AKAP9: variants seen among roughly 807,000 people sequenced by gnomAD.
AKAP9 encodes A-kinase anchoring protein 9.
AKAP9 carries 311 observed loss-of-function variants against 488.5 expected under a neutral mutation model. The ratio of observed to expected loss-of-function variants is 0.64; its 90% CI spans 0.58 to 0.70. The LOEUF (loss-of-function observed/expected upper bound fraction) is 0.70. Ranked by LOEUF, AKAP9 falls within the 30% of genes least tolerant of loss-of-function variation. The pLI is 0.00. For synonymous variants in AKAP9, 1,462 were observed against 1,483.5 expected (o/e 0.99, Z 0.33); for missense variants, 4,215 against 4,374.5 (o/e 0.96, Z 1.03).
At position 92,002,792 on chromosome 7, in the gene AKAP9, CTGTCTGATCTTTCTGA is replaced by C; in HGVS notation, c.2876_2891del (p.Leu959HisfsTer3). On this transcript the variant is annotated frameshift_variant, in exon 8 of 50. Coordinates refer to ENST00000356239, the MANE Select transcript of AKAP9 (RefSeq NM_005751.5). LOFTEE classifies it high-confidence loss of function. Reference sequence around the variant, plus strand: ...AGAGAAATTAGAGCTGTCACAGAGACTGTCTGATCTTTCTGAACAATTGAAACAGAAACATGGTGAG... The same window carrying C: ...AGAGAAATTAGAGCTGTCACAGAGACACAATTGAAACAGAAACATGGTGAG... The C allele has an allele frequency of 1.2e-6, 2 of 1,613,650 alleles. No individual in the cohort carries two copies. Among genetic ancestry groups the C allele is most frequent in the Non-Finnish European group, 8.5e-7 (1 of 1,179,698 alleles).
At position 92,002,264 on chromosome 7, in the gene AKAP9, G is replaced by T. The variant is rs1178432282; in HGVS notation, c.2347G>T (p.Glu783Ter). The T allele has an allele frequency of 3.7e-6, 6 of 1,602,192 alleles. No homozygotes were observed. ...AGCAGAGAATAGCATTCTTAAAGATGAAAAGAAAACCCTTGAAGACATGTT... is the reference window on the plus strand; with the variant it reads ...AGCAGAGAATAGCATTCTTAAAGATTAAAAGAAAACCCTTGAAGACATGTT... ...LEAENSILKD[E>*]KKTLEDMLKI... The change falls in exon 8 of 50, where the codon GAA becomes TAA. Residue 783 changes from glutamate to a stop codon, truncating the protein, a stop_gained. Transcript: ENST00000356239. LOFTEE classifies it high-confidence loss of function.
chr7:91,972,097 T>C (rs1378000108), intron 1 of AKAP9, among the ~76,000 whole-genome samples: 1 of 151,102 alleles, frequency 6.6e-6, no homozygotes, highest in Non-Finnish European at 1.5e-5. Context: ...ACAATCAGTG[T>C]TATCCATCCT....
chr7:92,068,949 C>A (rs893664242), intron 26 of AKAP9, among the ~76,000 whole-genome samples: 1 of 152,278 alleles, frequency 6.6e-6, no homozygotes, highest in South Asian at 2.1e-4. Flanking sequence ...TCCTTCCTCA[C>A]TTTCCATACA....
intron 14 of AKAP9, among the ~76,000 whole-genome samples, chr7:92,027,059 C>T (rs974190146): frequency 3.0e-4 from 43 of 145,380 alleles, no homozygotes; most frequent in East Asian, 2.1e-4. Flanking sequence ...GCCCGGCCGC[C>T]CCGTCTGGGA....
intron 36 of AKAP9, 117 bp downstream of exon 36, chr7:92,085,803 A>T (rs1814453939): frequency 2.8e-5 from 22 of 792,766 alleles, no homozygotes; most frequent in Admixed American, 5.9e-5. Flanking sequence ...ATATATATAT[A>T]TTTTCACACT....
intron 1 of AKAP9, among the ~76,000 whole-genome samples, chr7:91,946,885 G>A (rs925074916): frequency 2.6e-5 from 4 of 152,068 alleles, no homozygotes; most frequent in African/African-American, 9.7e-5. Context: ...AAATAAAAAG[G>A]TTCATAGTAA....
At chr7:92,068,411 A>G (rs1471148466) in intron 26 of AKAP9, among the ~76,000 whole-genome samples, 4 of 149,822 alleles carry the variant, frequency 2.7e-5, no homozygotes, top group African/African-American at 9.8e-5. Flanking sequence ...CACAGTTTCT[A>G]GTTATTGCCC....
At chr7:92,020,048 C>T (rs1459802149) in intron 12 of AKAP9, among the ~76,000 whole-genome samples, 1 of 151,902 alleles carries the variant, frequency 6.6e-6, no homozygotes, top group African/African-American at 2.4e-5. Flanking sequence ...TAGATAAATA[C>T]GTTTACTTAA....
intron 3 of AKAP9, among the ~76,000 whole-genome samples, chr7:91,982,009 C>A (rs1413041453): frequency 6.6e-6 from 1 of 152,174 alleles, no homozygotes; most frequent in Admixed American, 6.5e-5. Flanking sequence ...TCTCTTTACA[C>A]TAAAGTGAAT....
At chr7:91,978,066 A>G (rs1268346218) in intron 2 of AKAP9, among the ~76,000 whole-genome samples, 2 of 151,998 alleles carry the variant, frequency 1.3e-5, no homozygotes, top group East Asian at 3.9e-4. Flanking sequence ...ACATGGTGAA[A>G]CCTTGTCTCT....
intron 20 of AKAP9, among the ~76,000 whole-genome samples, chr7:92,044,165 T>A (rs568752865): frequency 6.6e-6 from 1 of 152,194 alleles, no homozygotes; most frequent in Non-Finnish European, 1.5e-5. Context: ...AGTCTAGAAA[T>A]ACAGGCATTA....
intron 5 of AKAP9, 88 bp from the exon 6 acceptor site, chr7:91,994,533 A>G (rs1798152553): frequency 1.3e-5 from 14 of 1,060,234 alleles, no homozygotes; most frequent in East Asian, 2.6e-5. Flanking sequence ...AATTATGCCA[A>G]TGTGTTTTGA....
In AKAP9 at chr7:92,073,505, CA is replaced by C. The variant is rs566398429; in HGVS notation, c.6612+2506del. ...TGGGCAACAGAGTGAGACTCCATCT[CA>C]AAAAAAAAAGAAAACAAAAATAGAT... On this transcript the variant is annotated intron_variant, in intron 28 of 49. Transcript: ENST00000356239. Among the ~76,000 whole-genome samples, 579 of 141,918 alleles carry C rather than the reference CA, an allele frequency of 4.1e-3. 4 individuals are homozygous for C. The highest frequency in any genetic ancestry group is 0.014 in the African/African-American group (549 of 38,732). The allele number at this position is 141,918 out of a possible 152,430, so 93.1% of individuals were successfully genotyped here.
chr7:92,001,093 A>G lies in AKAP9; in HGVS notation c.1176A>G (p.Glu392=). The part of the protein sequence containing the change: ...NSKQKERQSS[E]EIKQLMGTVE... ...AGCAAAAAGAAAGACAGTCTTCTGAAGAAATAAAACAGTTAATGGGGACAG... is the reference window on the plus strand; with the variant it reads ...AGCAAAAAGAAAGACAGTCTTCTGAGGAAATAAAACAGTTAATGGGGACAG... The change falls in exon 8 of 50, where the codon GAA becomes GAG. Residue 392 remains glutamate, a synonymous_variant. Transcript: ENST00000356239. 6.2e-7 allele frequency: 1 copy of G among 1,613,902 alleles called. No homozygotes were observed. Among genetic ancestry groups the G allele is most frequent in the Non-Finnish European group, 8.5e-7 (1 of 1,179,916 alleles).
At chr7:91,975,219 G>T (rs905730395) in intron 2 of AKAP9, among the ~76,000 whole-genome samples, 1 of 151,982 alleles carries the variant, frequency 6.6e-6, no homozygotes, top group Non-Finnish European at 1.5e-5. Flanking sequence ...GTCCAGGCTG[G>T]TCTCGAATTC....
intron 16 of AKAP9, among the ~76,000 whole-genome samples, chr7:92,033,093 C>T (rs1277806846): frequency 6.6e-6 from 1 of 152,152 alleles, no homozygotes; most frequent in Non-Finnish European, 1.5e-5. Flanking sequence ...CTCATAAATA[C>T]TATTTTAAAA....
At chr7:92,062,067 A>G (rs981957318) in intron 23 of AKAP9, among the ~76,000 whole-genome samples, 1 of 152,202 alleles carries the variant, frequency 6.6e-6, no homozygotes, top group African/African-American at 2.4e-5. Flanking sequence ...TTTATGCACA[A>G]TGGTAAACAA....
At chr7:92,007,423 T>A (rs1203053502) in intron 8 of AKAP9, among the ~76,000 whole-genome samples, 1 of 152,050 alleles carries the variant, frequency 6.6e-6, no homozygotes, top group Non-Finnish European at 1.5e-5. Context: ...GGCAAATTTT[T>A]GTATTTTTAG....
chr7:91,973,327 A>G (rs1316604799), intron 1 of AKAP9, among the ~76,000 whole-genome samples: 1 of 152,180 alleles, frequency 6.6e-6, no homozygotes, highest in African/African-American at 2.4e-5. Flanking sequence ...GTGAGCTGTG[A>G]TGGCGCTACT....
Sources: allele counts gnomAD v4.1 joint callset (sites outside exome capture counted in the v4.1 genomes callset), GRCh38; gene constraint gnomAD v4.1.1; transcripts MANE v1.5; gene names NCBI Gene and HGNC (gene_info 2026-07-23, HGNC 2026-07-21).